Variants in ADAMTSL3 observed in about 807,000 individuals in gnomAD.
ADAMTSL3 encodes ADAMTS like 3.
ADAMTSL3 carries 128 observed loss-of-function variants against 201.7 expected under a neutral mutation model. That is an observed-to-expected ratio of 0.63 (90% confidence interval 0.55 to 0.73). The LOEUF (loss-of-function observed/expected upper bound fraction) is 0.73, where lower values mean the gene tolerates loss of function less well. Among genes scored for constraint, ADAMTSL3 ranks in the 30% least tolerant of loss-of-function variants. ADAMTSL3 has a pLI of 0.00. For missense variants in ADAMTSL3, 1,990 were observed against 2,119.6 expected, an observed-to-expected ratio of 0.94 and a Z score of 1.20; for synonymous variants, 738 against 748.4, an observed-to-expected ratio of 0.99 and a Z score of 0.23.
At chr15:83,748,487 A>C (rs2062584137) in intron 3 of ADAMTSL3, among the ~76,000 whole-genome samples, 1 of 151,890 alleles carries the variant, frequency 6.6e-6, no homozygotes, top group African/African-American at 2.4e-5. Context: ...GTCTTTACAA[A>C]AAAATACACA....
chr15:83,891,813 A>G (rs1433742508), intron 12 of ADAMTSL3, among the ~76,000 whole-genome samples: 1 of 152,232 alleles, frequency 6.6e-6, no homozygotes, highest in Non-Finnish European at 1.5e-5. Context: ...AATTTTCACA[A>G]TGGTCTTATG....
At chr15:83,860,825 C>A (rs1362416210) in intron 8 of ADAMTSL3, among the ~76,000 whole-genome samples, 1 of 152,110 alleles carries the variant, frequency 6.6e-6, no homozygotes, top group African/African-American at 2.4e-5. Flanking sequence ...GGGTGCAGGA[C>A]AGTAGGTGCA....
chr15:83,763,269 G>A (rs1046325168), intron 3 of ADAMTSL3, among the ~76,000 whole-genome samples: 2 of 152,104 alleles, frequency 1.3e-5, no homozygotes, highest in African/African-American at 4.8e-5. Context: ...AAAATAATAC[G>A]AATCCTCACA....
In ADAMTSL3 at chr15:84,039,514, A is replaced by G. The variant is rs2068569214; in HGVS notation, c.*1708A>G. ...CTGATTGTTGAAGGTTATTAAATTA[A>G]AAGAAAGATCATTTGTAACATACTC... On this transcript the variant is annotated 3_prime_UTR_variant, in exon 30 of 30. Coordinates refer to ENST00000286744, the MANE Select transcript of ADAMTSL3 (RefSeq NM_207517.3). 1 of 152,624 alleles carries G rather than the reference A, an allele frequency of 6.6e-6. No individual in the cohort carries two copies. The highest frequency in any genetic ancestry group is 2.4e-5 in the African/African-American group (1 of 41,432). The allele number at this position is 152,624 out of a possible 1,614,324, so 9.5% of individuals were successfully genotyped here.
chr15:83,841,778 A>G (rs2064380041), intron 7 of ADAMTSL3, among the ~76,000 whole-genome samples: 1 of 151,668 alleles, frequency 6.6e-6, no homozygotes. Flanking sequence ...TCACACCCAA[A>G]TGTTGCATTT....
chr15:83,679,412 C>A (rs542198338), intron 2 of ADAMTSL3, among the ~76,000 whole-genome samples: 1 of 151,902 alleles, frequency 6.6e-6, no homozygotes, highest in African/African-American at 2.4e-5. Context: ...AAATTATATC[C>A]TAAACATTTT....
intron 4 of ADAMTSL3, among the ~76,000 whole-genome samples, chr15:83,800,703 TA>T (rs1216785277): frequency 6.6e-6 from 1 of 152,182 alleles, no homozygotes; most frequent in African/African-American, 2.4e-5. Flanking sequence ...ATATTTTTTT[TA>T]ACCTGTGACT....
intron 5 of ADAMTSL3, among the ~76,000 whole-genome samples, chr15:83,808,743 A>G (rs2063643988): frequency 6.6e-6 from 1 of 152,200 alleles, no homozygotes; most frequent in African/African-American, 2.4e-5. Flanking sequence ...CCAACAGTGA[A>G]TGAATGGTTA....
chr15:83,886,855 T>C (rs1004614233), intron 10 of ADAMTSL3, among the ~76,000 whole-genome samples: 1 of 152,188 alleles, frequency 6.6e-6, no homozygotes, highest in Non-Finnish European at 1.5e-5. Flanking sequence ...AGGCACTTTT[T>C]TGGGAAGCAC....
intron 2 of ADAMTSL3, among the ~76,000 whole-genome samples, chr15:83,661,542 C>T (rs1158970650): frequency 2.0e-5 from 3 of 152,020 alleles, no homozygotes; most frequent in Non-Finnish European, 2.9e-5. Context: ...CTCTTTGAAG[C>T]AATTGTGAAC....
At chr15:83,780,959 G>T (rs1320791998) in intron 4 of ADAMTSL3, among the ~76,000 whole-genome samples, 1 of 152,134 alleles carries the variant, frequency 6.6e-6, no homozygotes, top group Non-Finnish European at 1.5e-5. Context: ...AATCAGAGAT[G>T]ACACAAGCAA....
intron 6 of ADAMTSL3, among the ~76,000 whole-genome samples, chr15:83,828,868 G>A (rs2064085850): frequency 6.6e-6 from 1 of 152,204 alleles, no homozygotes; most frequent in Admixed American, 6.5e-5. Context: ...GCATAGCAGG[G>A]ATGAAGCCCA....
rs537415638 is a variant in ADAMTSL3 at position 84,017,243 on chromosome 15, A to G, written c.4273+744A>G. ...TGCCATTCTCCTGCCTCAGCCTCCC[A>G]AGTAGCTGGGACTACAGCCACCCGC... On this transcript the variant is annotated intron_variant, in intron 25 of 29. Transcript: ENST00000286744. 1.8e-4 allele frequency among the ~76,000 whole-genome samples: 27 copies of G among 152,120 alleles called. 1 individual carries two copies. In the South Asian group the frequency reaches 2.9e-3, roughly 16 times the overall value.
rs906551484 is a variant in ADAMTSL3, at chr15:84,034,372, G to A, written c.4755-2401G>A. Among the ~76,000 whole-genome samples the A allele has an allele frequency of 3.9e-5, 6 of 152,262 alleles. No individual in the cohort carries two copies. The East Asian group carries it at 5.8e-4, about 15-fold the overall frequency. ...TTGTAGAAGGAGTAGCATTAGTGGC[G>A]TGGGCAGAGGATCAGTGGTGGGCAG... On this transcript the variant is annotated intron_variant, in intron 28 of 29. Transcript: ENST00000286744.
chr15:83,687,220 T>A (rs568219100), intron 2 of ADAMTSL3, among the ~76,000 whole-genome samples: 7 of 152,248 alleles, frequency 4.6e-5, no homozygotes, highest in Non-Finnish European at 8.8e-5. Flanking sequence ...AAAATAAAAT[T>A]AAATTAAGTT....
chr15:83,882,803 A>AT (rs2065301176), intron 9 of ADAMTSL3, among the ~76,000 whole-genome samples: 1 of 152,060 alleles, frequency 6.6e-6, no homozygotes, highest in Non-Finnish European at 1.5e-5. Flanking sequence ...GATTTTTCAC[A>AT]TTTTTCTAGG....
intron 23 of ADAMTSL3, 101 bp from the exon 24 acceptor site, chr15:84,014,441 A>G (rs1473171415): frequency 2.7e-6 from 3 of 1,098,914 alleles, no homozygotes; most frequent in Non-Finnish European, 4.0e-6. Context: ...TTAAACCCAT[A>G]TGCTGACTTA....
At chr15:83,755,755 T>C (rs1273690641) in intron 3 of ADAMTSL3, among the ~76,000 whole-genome samples, 1 of 152,074 alleles carries the variant, frequency 6.6e-6, no homozygotes, top group East Asian at 1.9e-4. Flanking sequence ...AGTCCCTGCT[T>C]TCAATTTTTT....
At chr15:83,690,040 T>G (rs2061591298) in intron 2 of ADAMTSL3, among the ~76,000 whole-genome samples, 1 of 152,186 alleles carries the variant, frequency 6.6e-6, no homozygotes, top group Non-Finnish European at 1.5e-5. Context: ...GTCTGAAACT[T>G]TGCCACTTGT....
Sources: gnomAD v4.1 joint callset for allele counts (sites outside exome capture counted in the v4.1 genomes callset) on GRCh38, gnomAD v4.1.1 for gene constraint, MANE v1.5 for transcripts, NCBI Gene and HGNC (gene_info 2026-07-23, HGNC 2026-07-21) for gene names.